The following FRAS1 variants were observed in gnomAD, a reference collection of about 807,000 sequenced individuals.
FRAS1 encodes the protein extracellular matrix organizing protein FRAS1.
In FRAS1, 290 loss-of-function variants were observed where a neutral mutation model predicts 435.2. The observed-to-expected ratio is 0.67, with a 90% confidence interval of 0.61 to 0.73. The LOEUF (loss-of-function observed/expected upper bound fraction) is 0.73. Among genes scored for constraint, FRAS1 ranks in the 30% least tolerant of loss-of-function variants. The pLI is 0.00. For synonymous variants in FRAS1, 1,800 were observed against 1,851.0 expected, an observed-to-expected ratio of 0.97 and a Z score of 0.71; for missense variants, 4,860 against 5,001.5, an observed-to-expected ratio of 0.97 and a Z score of 0.85.
intron 2 of FRAS1, among the ~76,000 whole-genome samples, chr4:78,093,478 T>C (rs1212581294): frequency 6.6e-6 from 1 of 152,226 alleles, no homozygotes; most frequent in Non-Finnish European, 1.5e-5. Flanking sequence ...TTATATTTAA[T>C]ATCTAGTCTC....
intron 35 of FRAS1, among the ~76,000 whole-genome samples, chr4:78,427,316 A>G (rs932423304): frequency 6.6e-6 from 1 of 152,128 alleles, no homozygotes; most frequent in Non-Finnish European, 1.5e-5. Context: ...CTCTCACCAA[A>G]TGTACCCCCT....
intron 38 of FRAS1, among the ~76,000 whole-genome samples, chr4:78,436,035 A>G (rs899527419): frequency 6.6e-6 from 1 of 152,230 alleles, no homozygotes; most frequent in Non-Finnish European, 1.5e-5. Context: ...AAATTTGACT[A>G]TATTAAAAAT....
At position 78,372,838 on chromosome 4, in the gene FRAS1, A is replaced by C; in HGVS notation, c.2990A>C (p.Gln997Pro). ...CVEQCLSSFY[Q>P]DSGLCKNCDS... ...GAGCAGTGCTTGTCATCATTTTACC[A>C]GGACTCGGGCCTCTGCAAGAGTAAG... Residue 997 changes from glutamine (Q) to proline (P), a missense_variant, in exon 24 of 74, where the codon CAG becomes CCG. Physicochemically the swap from Gln to Pro is moderately conservative, Grantham distance 76. Transcript: ENST00000512123. 6.2e-7 allele frequency: 1 copy of C among 1,612,780 alleles called. No homozygotes were observed. Among genetic ancestry groups the C allele is most frequent in the East Asian group, 2.2e-5 (1 of 44,876 alleles).
At chr4:78,142,752 AG>A (rs971001513) in intron 2 of FRAS1, among the ~76,000 whole-genome samples, 18 of 152,226 alleles carry the variant, frequency 1.2e-4, no homozygotes, top group Non-Finnish European at 2.1e-4. Context: ...ATGGAGGAAA[AG>A]TGTTCTATGT....
intron 63 of FRAS1, among the ~76,000 whole-genome samples, chr4:78,510,116 T>TA (rs1221461203): frequency 6.6e-6 from 1 of 152,236 alleles, no homozygotes; most frequent in Non-Finnish European, 1.5e-5. Context: ...TCTCTATTAT[T>TA]AAAAAATCAA....
In FRAS1 at chr4:78,508,991, C is replaced by T. The variant is rs1255468603; in HGVS notation, c.9765C>T (p.Thr3255=). Residue 3255 remains threonine, a synonymous_variant, in exon 63 of 74, where the codon ACC becomes ACT. Transcript: ENST00000512123. ...CCATCACTGACAACACACCATTCACCAGTGTCAACCACATGGTAGGTCTGG... is the reference window on the plus strand; with the variant it reads ...CCATCACTGACAACACACCATTCACTAGTGTCAACCACATGGTAGGTCTGG... ...FETITDNTPF[T]SVNHMVLDSI... 6.2e-7 allele frequency: 1 copy of T among 1,613,894 alleles called. No individual in the cohort carries two copies. The highest frequency in any genetic ancestry group is 2.2e-5 in the East Asian group (1 of 44,894).
chr4:78,282,941 G>A lies in FRAS1; in HGVS notation c.1229G>A (p.Gly410Glu). 6.2e-7 allele frequency: 1 copy of A among 1,602,948 alleles called. No individual in the cohort carries two copies. The highest frequency in any genetic ancestry group is 2.3e-5 in the East Asian group (1 of 44,382). ...GGCACACTGGCCTTAGAGGTGAAGGGACAGTGCTGTCCAGACTGCACATCA... is the reference window on the plus strand; with the variant it reads ...GGCACACTGGCCTTAGAGGTGAAGGAACAGTGCTGTCCAGACTGCACATCA... Reference protein sequence around the residue: ...PVGTLALEVKGQCCPDCTSVH... With the variant: ...PVGTLALEVKEQCCPDCTSVH... Residue 410 changes from glycine (G) to glutamate (E), a missense_variant, in exon 12 of 74, where the codon GGA becomes GAA. Coordinates refer to ENST00000512123, the MANE Select transcript of FRAS1 (RefSeq NM_025074.7).
chr4:78,410,878 G>A (rs902376398), intron 31 of FRAS1, among the ~76,000 whole-genome samples: 2 of 152,072 alleles, frequency 1.3e-5, no homozygotes, highest in African/African-American at 4.8e-5. Context: ...AAAAGTTTTG[G>A]CATGTTTATT....
At chr4:78,262,810 G>GT (rs1367657836) in intron 6 of FRAS1, among the ~76,000 whole-genome samples, 1 of 152,122 alleles carries the variant, frequency 6.6e-6, no homozygotes, top group African/African-American at 2.4e-5. Flanking sequence ...CTAAACTCCT[G>GT]TTTACTGAGG....
intron 2 of FRAS1, among the ~76,000 whole-genome samples, chr4:78,169,188 A>G (rs959901031): frequency 1.3e-5 from 2 of 152,100 alleles, no homozygotes; most frequent in Non-Finnish European, 2.9e-5. Flanking sequence ...CATTCATCAT[A>G]TTTGCTCCAA....
At chr4:78,276,708 G>T (rs1002493016) in intron 9 of FRAS1, among the ~76,000 whole-genome samples, 1 of 152,254 alleles carries the variant, frequency 6.6e-6, no homozygotes, top group Admixed American at 6.5e-5. Context: ...GGCCGTGTGA[G>T]GTGTCAGTCT....
chr4:78,135,014 C>T (rs951831397), intron 2 of FRAS1, among the ~76,000 whole-genome samples: 3 of 151,942 alleles, frequency 2.0e-5, no homozygotes, highest in African/African-American at 7.3e-5. Flanking sequence ...CAATTGCATG[C>T]TGGTAGGGTT....
chr4:78,234,280 C>T (rs1438822835), intron 2 of FRAS1, among the ~76,000 whole-genome samples: 1 of 151,924 alleles, frequency 6.6e-6, no homozygotes, highest in African/African-American at 2.4e-5. Flanking sequence ...GGCTGGAGTG[C>T]AGTGGCGCGA....
At chr4:78,448,024 G>A (rs1333422588) in intron 43 of FRAS1, 29 bp from the exon 44 acceptor site, 2 of 1,549,486 alleles carry the variant, frequency 1.3e-6, no homozygotes, top group Non-Finnish European at 1.7e-6. Context: ...TTCTACCATT[G>A]TTTTGCTTTT....
chr4:78,472,108 A>G, intron 51 of FRAS1, 72 bp from the exon 52 acceptor site: 1 of 1,454,484 alleles, frequency 6.9e-7, no homozygotes, highest in Middle Eastern at 1.7e-4. Flanking sequence ...ACTGAATTAA[A>G]TCTGAGTCAG....
At position 78,387,466 on chromosome 4, in the gene FRAS1, A is replaced by G. The variant is rs767340387; in HGVS notation, c.3740A>G (p.Asp1247Gly). 18 of 1,613,756 alleles carry G rather than the reference A, an allele frequency of 1.1e-5. No individual in the cohort carries two copies. In the South Asian group the frequency reaches 1.9e-4, roughly 17 times the overall value. ...CAGATGCTTGACATCCGAGATGATG[A>G]CAACCCACAGGATGTGGTCATTGAA... ...TTQMLDIRDDDNPQDVVIEII... is the reference protein window; with the variant it reads ...TTQMLDIRDDGNPQDVVIEII... Residue 1247 changes from aspartate to glycine, a missense_variant, in exon 29 of 74, where the codon GAC (aspartate) becomes GGC (glycine). Transcript: ENST00000512123.
At chr4:78,102,239 C>T (rs1026425218) in intron 2 of FRAS1, among the ~76,000 whole-genome samples, 23 of 152,220 alleles carry the variant, frequency 1.5e-4, no homozygotes, top group African/African-American at 5.1e-4. Context: ...GAAAGGACCA[C>T]CAGAAGTATT....
At chr4:78,117,487 G>T (rs570995807) in intron 2 of FRAS1, among the ~76,000 whole-genome samples, 27 of 152,170 alleles carry the variant, frequency 1.8e-4, no homozygotes, top group East Asian at 5.8e-4. Flanking sequence ...CGTAGATTTG[G>T]TTTTTTCACA....
At chr4:78,392,959 A>G (rs762245338) in intron 29 of FRAS1, among the ~76,000 whole-genome samples, 6 of 151,724 alleles carry the variant, frequency 4.0e-5, no homozygotes, top group Non-Finnish European at 8.8e-5. Context: ...AGAAAACAAT[A>G]AGAAACAAAC....
Sources: gnomAD v4.1 joint callset for allele counts (sites outside exome capture counted in the v4.1 genomes callset) on GRCh38, gnomAD v4.1.1 for gene constraint, MANE v1.5 for transcripts, NCBI Gene and HGNC (gene_info 2026-07-23, HGNC 2026-07-21) for gene names.